Variants in CRISPLD2 observed in about 807,000 individuals in gnomAD.
The protein encoded by CRISPLD2 is cysteine-rich secretory protein LCCL domain-containing 2.
A neutral mutation model predicts 71.1 loss-of-function variants in CRISPLD2; 47 were observed. The ratio of observed to expected loss-of-function variants is 0.66; its 90% confidence interval spans 0.52 to 0.84. The LOEUF (loss-of-function observed/expected upper bound fraction) is 0.84, where lower values mean the gene tolerates loss of function less well. CRISPLD2 is among the 40% of genes least tolerant of loss of function. The probability of loss-of-function intolerance (pLI) is 0.00; values close to 1 mark genes in which losing one functional copy is unlikely to be tolerated. For missense variants in CRISPLD2, 830 were observed against 651.1 expected, an observed-to-expected ratio of 1.27 and a Z score of -2.99; for synonymous variants, 317 against 250.1, an observed-to-expected ratio of 1.27 and a Z score of -2.52.
Position 84,877,505 on chromosome 16 carries a change from C to T in CRISPLD2, c.1224C>T (p.Cys408=), listed in dbSNP as rs2143304877. ...CGTTTGAAAAGCCAGCAACTCACTG[C>T]CCAAGGTAAGGCGGGCCTGATCTGT... The part of the protein sequence containing the change: ...LCPFEKPATH[C]PRIHCPAHCK... The change falls in exon 12 of 15, where the codon TGC becomes TGT. Residue 408 remains cysteine, a synonymous_variant. Transcript: ENST00000262424. 6.2e-7 allele frequency: 1 copy of T among 1,613,824 alleles called. No individual in the cohort carries two copies. The highest frequency in any genetic ancestry group is 1.3e-5 in the African/African-American group (1 of 75,050).
At chr16:84,824,064 C>A (rs1916291722) in intron 1 of CRISPLD2, among the ~76,000 whole-genome samples, 2 of 152,210 alleles carry the variant, frequency 1.3e-5, no homozygotes, top group South Asian at 4.2e-4. Flanking sequence ...TTGAGAAGAG[C>A]CTGATAACGC....
intron 5 of CRISPLD2, among the ~76,000 whole-genome samples, chr16:84,852,110 C>T (rs1486576660): frequency 6.6e-6 from 1 of 152,218 alleles, no homozygotes; most frequent in Non-Finnish European, 1.5e-5. Flanking sequence ...CGGCCACTAT[C>T]TTACATGGTG....
chr16:84,839,256 C>A, intron 2 of CRISPLD2: 1 of 299,364 alleles, frequency 3.3e-6, no homozygotes, highest in Non-Finnish European at 6.5e-6. Context: ...GCCTCGTTGC[C>A]TTCATGTCAC....
chr16:84,906,595 A>T lies in CRISPLD2; in HGVS notation c.1447A>T (p.Thr483Ser), dbSNP rs151315770. The T allele has an allele frequency of 5.8e-5, 93 of 1,611,928 alleles. 1 individual carries two copies. Among genetic ancestry groups the T allele is most frequent in the Non-Finnish European group, 7.1e-5 (84 of 1,179,848 alleles). ...RNGVQSESLG[T>S]PRDGKAFRIF... is the part of the protein sequence containing the mutation. ...CTTTCTTCTTTTTTTCAGCCTGGGG[A>T]CTCCTCGGGATGGAAAGGCCTTCCG... The change falls in exon 15 of 15, where the codon ACT (threonine) becomes TCT (serine). Residue 483 changes from threonine to serine, a missense_variant. Physicochemically the swap from Thr to Ser is moderately conservative, Grantham distance 58. Coordinates refer to ENST00000262424, the MANE Select transcript of CRISPLD2 (RefSeq NM_031476.4).
chr16:84,834,438 C>T (rs1916565999), intron 1 of CRISPLD2, among the ~76,000 whole-genome samples: 1 of 152,198 alleles, frequency 6.6e-6, no homozygotes, highest in Non-Finnish European at 1.5e-5. Flanking sequence ...CAGTGTGGGC[C>T]AGGGCTGCCG....
chr16:84,891,809 C>T (rs955604662), intron 14 of CRISPLD2, among the ~76,000 whole-genome samples: 4 of 152,072 alleles, frequency 2.6e-5, no homozygotes, highest in African/African-American at 9.7e-5. Context: ...AGCTTTCCCA[C>T]CCGCCCCACT....
intron 14 of CRISPLD2, among the ~76,000 whole-genome samples, chr16:84,891,833 T>G (rs1193885538): frequency 6.6e-6 from 1 of 152,068 alleles, no homozygotes; most frequent in East Asian, 1.9e-4. Context: ...ACCCAGGGTG[T>G]GGGGGGCTGT....
intron 14 of CRISPLD2, among the ~76,000 whole-genome samples, chr16:84,889,752 TTGTGTGTGTGTGTGTG>T (rs60555979): frequency 2.2e-5 from 3 of 139,316 alleles, no homozygotes; most frequent in East Asian, 2.1e-4. Flanking sequence ...TTGTTTTTCT[TTGTGTGTGTGTGTGTG>T]TGTGTGTGTG....
rs1917368839 is a variant in CRISPLD2 at position 84,861,168 on chromosome 16, C to G, written c.710-5729C>G. Among the ~76,000 whole-genome samples, 7 of 152,230 alleles carry G rather than the reference C, an allele frequency of 4.6e-5. No individual in the cohort carries two copies. In the South Asian group the frequency reaches 1.5e-3, roughly 32 times the overall value. On this transcript the variant is annotated intron_variant, in intron 6 of 14. Coordinates refer to ENST00000262424, the MANE Select transcript of CRISPLD2 (RefSeq NM_031476.4). ...TTCTCCATACTATTAGAAGTAGAGT[C>G]CTTAGCATTTTGGGATCTAATCATA... is the stretch of plus-strand genomic sequence containing the variant.
chr16:84,841,532 G>A (rs1916770100), intron 2 of CRISPLD2, among the ~76,000 whole-genome samples: 1 of 150,772 alleles, frequency 6.6e-6, no homozygotes, highest in Non-Finnish European at 1.5e-5. Context: ...TTGCTGAAAT[G>A]GGGGTAAAAA....
intron 1 of CRISPLD2, among the ~76,000 whole-genome samples, chr16:84,824,325 A>G (rs1208773056): frequency 6.6e-6 from 1 of 152,192 alleles, no homozygotes; most frequent in Non-Finnish European, 1.5e-5. Flanking sequence ...ATCAAGATGA[A>G]CAGAGAGTAA....
chr16:84,881,728 G>A (rs1388688101), intron 13 of CRISPLD2, among the ~76,000 whole-genome samples: 2 of 151,920 alleles, frequency 1.3e-5, no homozygotes, highest in African/African-American at 4.8e-5. Flanking sequence ...CTCCCTCCTT[G>A]GCCTCCCAAA....
intron 2 of CRISPLD2, among the ~76,000 whole-genome samples, chr16:84,845,129 C>G (rs1490331128): frequency 6.6e-6 from 1 of 152,206 alleles, no homozygotes; most frequent in Non-Finnish European, 1.5e-5. Context: ...GTCCTGAAGA[C>G]CTGGGTTCAG....
intron 1 of CRISPLD2, among the ~76,000 whole-genome samples, chr16:84,833,784 C>A (rs1319451508): frequency 2.6e-5 from 4 of 152,162 alleles, no homozygotes; most frequent in Non-Finnish European, 5.9e-5. Context: ...CGTCGTCTCC[C>A]ATGGGGGTGA....
intron 3 of CRISPLD2, among the ~76,000 whole-genome samples, chr16:84,848,591 C>A (rs1020439537): frequency 2.0e-5 from 3 of 152,144 alleles, no homozygotes; most frequent in Non-Finnish European, 4.4e-5. Context: ...CAGGCATGCA[C>A]CACCTCGCCC....
At chr16:84,886,534 T>C (rs945707083) in intron 13 of CRISPLD2, among the ~76,000 whole-genome samples, 1 of 151,946 alleles carries the variant, frequency 6.6e-6, no homozygotes, top group East Asian at 1.9e-4. Context: ...AAAAAAAAAA[T>C]TCACCATAAG....
In CRISPLD2 at chr16:84,907,275, C is replaced by G. The variant is rs184971296; in HGVS notation, c.*633C>G. On this transcript the variant is annotated 3_prime_UTR_variant, in exon 15 of 15. Coordinates refer to ENST00000262424, the MANE Select transcript of CRISPLD2 (RefSeq NM_031476.4). Reference sequence around the variant, plus strand: ...CTGGCGGCCCGCCACAGGCCCCCTTCAATGGCCGCATTCAGGATGGCTCTA... The same window carrying G: ...CTGGCGGCCCGCCACAGGCCCCCTTGAATGGCCGCATTCAGGATGGCTCTA... The G allele has an allele frequency of 6.2e-6, 1 of 162,020 alleles. No homozygotes were observed. Among genetic ancestry groups the G allele is most frequent in the African/African-American group, 2.4e-5 (1 of 41,532 alleles). The allele number at this position is 162,020 out of a possible 1,614,324, so 10.0% of individuals were successfully genotyped here. A position where few individuals can be genotyped will look rare whatever the true frequency, so the allele number is the denominator to read the frequency against.
intron 2 of CRISPLD2, among the ~76,000 whole-genome samples, chr16:84,843,870 G>A (rs1057234718): frequency 1.3e-5 from 2 of 151,068 alleles, no homozygotes; most frequent in Admixed American, 1.3e-4. Context: ...AAGACTCAAG[G>A]TTTGTTGCCC....
intron 2 of CRISPLD2, 33 bp downstream of exon 2, chr16:84,838,768 C>G: frequency 1.3e-6 from 2 of 1,591,950 alleles, no homozygotes; most frequent in Non-Finnish European, 1.7e-6. Context: ...GAGGCTGGCA[C>G]CGGGGGTGGG....
Sources: allele counts gnomAD v4.1 joint callset (sites outside exome capture counted in the v4.1 genomes callset), GRCh38; gene constraint gnomAD v4.1.1; transcripts MANE v1.5; gene names NCBI Gene and HGNC (gene_info 2026-07-23, HGNC 2026-07-21).